The following MTA3 variants were observed in gnomAD, a reference collection of about 807,000 sequenced individuals.
The protein encoded by MTA3 is metastasis-associated protein MTA3.
Under a neutral mutation model 83.5 loss-of-function variants are expected in MTA3, and 34 were observed. The observed-to-expected ratio is 0.41, with a 90% CI of 0.31 to 0.54. The LOEUF is 0.54. Among genes scored for constraint, MTA3 ranks in the 20% least tolerant of loss-of-function variants. The pLI is 0.33. For missense variants in MTA3, 761 were observed against 726.4 expected, an observed-to-expected ratio of 1.05 and a Z score of -0.55; for synonymous variants, 303 against 252.7, an observed-to-expected ratio of 1.20 and a Z score of -1.89.
rs1670181514 is a variant in MTA3, at chr2:42,755,536, T to C, written c.*2137T>C. ...CTCTTGTAAGTAAAGCTCGTGGTTC[T>C]GTAGTCCAGTCATCCTAGGAGGGTG... is the stretch of plus-strand genomic sequence containing the variant. On this transcript the variant is annotated 3_prime_UTR_variant, in exon 17 of 17. Transcript: ENST00000405094. The C allele has an allele frequency of 1.0e-6, 1 of 985,376 alleles. No homozygotes were observed. Among genetic ancestry groups the C allele is most frequent in the Non-Finnish European group, 1.2e-6 (1 of 829,952 alleles). 61.0% of individuals were successfully genotyped at this position (985,376 alleles called of 1,614,324 possible). A position where few individuals can be genotyped will look rare whatever the true frequency, so the allele number is the denominator to read the frequency against.
chr2:42,557,158 G>T (rs998736189), intron 2 of MTA3, among the ~76,000 whole-genome samples: 5 of 152,110 alleles, frequency 3.3e-5, no homozygotes, highest in Admixed American at 2.0e-4. Flanking sequence ...CAGGAGAATT[G>T]CTTGAACACA....
chr2:42,583,450 G>A (rs1405029335), intron 3 of MTA3, among the ~76,000 whole-genome samples: 1 of 152,156 alleles, frequency 6.6e-6, no homozygotes, highest in African/African-American at 2.4e-5. Context: ...ATTAGAATGA[G>A]TTCAAAACTG....
At chr2:42,512,562 C>G (rs1040167367) in intron 2 of MTA3, among the ~76,000 whole-genome samples, 7 of 152,186 alleles carry the variant, frequency 4.6e-5, no homozygotes, top group Non-Finnish European at 8.8e-5. Flanking sequence ...TCCCCTTTCA[C>G]TAGCTTCTGT....
intron 11 of MTA3, among the ~76,000 whole-genome samples, chr2:42,699,300 C>G (rs375548037): frequency 6.6e-6 from 1 of 152,274 alleles, no homozygotes; most frequent in Admixed American, 6.5e-5. Flanking sequence ...CTCCTGGGCT[C>G]AAGCGATCCT....
chr2:42,589,481 C>T (rs1680714115), intron 3 of MTA3, among the ~76,000 whole-genome samples: 1 of 152,142 alleles, frequency 6.6e-6, no homozygotes, highest in South Asian at 2.1e-4. Flanking sequence ...TGATTTTCTG[C>T]CAGAAAGTCT....
intron 2 of MTA3, among the ~76,000 whole-genome samples, chr2:42,578,558 A>G (rs1040891786): frequency 6.6e-6 from 1 of 152,180 alleles, no homozygotes; most frequent in Non-Finnish European, 1.5e-5. Context: ...TTTCCAGGTC[A>G]CCTGGTCTAT....
At chr2:42,718,133 C>A (rs886269049) in intron 14 of MTA3, among the ~76,000 whole-genome samples, 1 of 135,830 alleles carries the variant, frequency 7.4e-6, no homozygotes, top group South Asian at 2.3e-4. Context: ...TAGGGGTTAA[C>A]GAGTTCTTTT....
At chr2:42,543,561 C>A (rs1676618506) in intron 2 of MTA3, among the ~76,000 whole-genome samples, 1 of 151,956 alleles carries the variant, frequency 6.6e-6, no homozygotes, top group Non-Finnish European at 1.5e-5. Flanking sequence ...TAGCTCATTG[C>A]AACAGCCTGG....
At chr2:42,687,462 A>G (rs1482437811) in intron 9 of MTA3, among the ~76,000 whole-genome samples, 2 of 152,154 alleles carry the variant, frequency 1.3e-5, no homozygotes, top group Non-Finnish European at 2.9e-5. Context: ...TCACCTGTTG[A>G]AGGGAATTTG....
chr2:42,706,479 C>A (rs1666092797), intron 12 of MTA3, among the ~76,000 whole-genome samples: 1 of 152,132 alleles, frequency 6.6e-6, no homozygotes, highest in Non-Finnish European at 1.5e-5. Flanking sequence ...TCCCGATAAA[C>A]ATGAATATAA....
At chr2:42,510,657 A>G (rs917979343) in intron 2 of MTA3, among the ~76,000 whole-genome samples, 9 of 152,084 alleles carry the variant, frequency 5.9e-5, no homozygotes, top group African/African-American at 1.9e-4. Context: ...AAATATGGGG[A>G]AAAAAATGTA....
chr2:42,635,882 C>T (rs780493922), intron 4 of MTA3, among the ~76,000 whole-genome samples: 1 of 152,070 alleles, frequency 6.6e-6, no homozygotes, highest in African/African-American at 2.4e-5. Flanking sequence ...TCTTGTGCCA[C>T]AGCCTCCGCA....
chr2:42,713,928 A>G, intron 14 of MTA3, among the ~76,000 whole-genome samples: 1 of 152,244 alleles, frequency 6.6e-6, no homozygotes, highest in East Asian at 1.9e-4. Flanking sequence ...GTTCCTTACA[A>G]GATAGATCCC....
chr2:42,561,074 G>A (rs534634380), intron 2 of MTA3, among the ~76,000 whole-genome samples: 1 of 152,188 alleles, frequency 6.6e-6, no homozygotes, highest in Admixed American at 6.5e-5. Flanking sequence ...CTCCACACTG[G>A]CCTTTCCATG....
intron 16 of MTA3, among the ~76,000 whole-genome samples, chr2:42,744,299 C>T (rs538429886): frequency 6.6e-6 from 1 of 152,096 alleles, no homozygotes; most frequent in Admixed American, 6.6e-5. Context: ...CCAAATTAGC[C>T]ACCCCTGGGA....
chr2:42,633,518 G>A (rs1157749419), intron 4 of MTA3, among the ~76,000 whole-genome samples: 1 of 152,148 alleles, frequency 6.6e-6, no homozygotes, highest in African/African-American at 2.4e-5. Flanking sequence ...GGTGGAGGCT[G>A]CAGTGAGCTG....
chr2:42,684,898 A>G (rs1692233029), intron 9 of MTA3, among the ~76,000 whole-genome samples: 1 of 152,210 alleles, frequency 6.6e-6, no homozygotes, highest in Admixed American at 6.5e-5. Context: ...TGAAATATAC[A>G]CCCAAGTAAA....
rs775787014 is a variant in MTA3 at position 42,708,878 on chromosome 2, C to T, written c.1307C>T (p.Pro436Leu). ...TGTTGTTTTCTGATTTTGCAGGACC[C>T]TCGTGTTAGAAGTCACGTGTCCCGC... ...KLSPSPTTED[P>L]RVRSHVSRQA... The change falls in exon 14 of 17, where the codon CCT (proline) becomes CTT (leucine). Residue 436 changes from proline to leucine, a missense_variant. Physicochemically the swap from Pro to Leu is moderately conservative, Grantham distance 98 (BLOSUM62 -3). Coordinates refer to ENST00000405094, the MANE Select transcript of MTA3 (RefSeq NM_001330442.2). The T allele has an allele frequency of 1.3e-5, 21 of 1,613,918 alleles. No homozygotes were observed. The highest frequency in any genetic ancestry group is 1.7e-5 in the Non-Finnish European group (20 of 1,179,868).
At chr2:42,586,970 C>G (rs1680406517) in intron 3 of MTA3, among the ~76,000 whole-genome samples, 2 of 152,144 alleles carry the variant, frequency 1.3e-5, no homozygotes, top group Non-Finnish European at 2.9e-5. Context: ...TTGCAGTGAG[C>G]TGAGATCGTG....
Sources: gnomAD v4.1 joint callset for allele counts (sites outside exome capture counted in the v4.1 genomes callset) on GRCh38, gnomAD v4.1.1 for gene constraint, MANE v1.5 for transcripts, NCBI Gene and HGNC (gene_info 2026-07-23, HGNC 2026-07-21) for gene names.